Variants in MGAT5B observed in about 807,000 individuals in gnomAD.
MGAT5B encodes the protein alpha-1,6-mannosylglycoprotein 6-beta-N-acetylglucosaminyltransferase B, also known as N-acetylglucosaminyl-transferase Vb.
MGAT5B carries 54 observed loss-of-function variants against 95.1 expected under a neutral mutation model. The ratio of observed to expected loss-of-function variants is 0.57; its 90% confidence interval spans 0.46 to 0.71. The LOEUF (loss-of-function observed/expected upper bound fraction) is 0.71, where lower values mean the gene tolerates loss of function less well. Among genes scored for constraint, MGAT5B ranks in the 30% least tolerant of loss-of-function variants. MGAT5B has a pLI of 0.00. For missense variants in MGAT5B, 935 were observed against 1,088.6 expected (o/e 0.86, Z 1.99); for synonymous variants, 464 against 451.0 (o/e 1.03, Z -0.36).
chr17:76,911,108 G>A (rs894564687), intron 8 of MGAT5B, among the ~76,000 whole-genome samples: 1 of 152,218 alleles, frequency 6.6e-6, no homozygotes, highest in African/African-American at 2.4e-5. Context: ...ACTTACCAGT[G>A]TTTGGGCCCC....
In MGAT5B at chr17:76,948,971, G is replaced by A. The variant is rs545419773; in HGVS notation, c.*133G>A. On this transcript the variant is annotated 3_prime_UTR_variant, in exon 18 of 18. Transcript: ENST00000569840. ...CAGGCCGGAGCTTCCTTCCTTAGCCGGGAAGCTGGCAGAGGAGAGCCGTGC... is the reference window on the plus strand; with the variant it reads ...CAGGCCGGAGCTTCCTTCCTTAGCCAGGAAGCTGGCAGAGGAGAGCCGTGC... The A allele has an allele frequency of 5.1e-5, 55 of 1,079,164 alleles. No homozygotes were observed. Among genetic ancestry groups the A allele is most frequent in the Middle Eastern group, 6.2e-4 (2 of 3,222 alleles). 66.8% of individuals were successfully genotyped at this position (1,079,164 alleles called of 1,614,324 possible).
chr17:76,897,041 G>A (rs1484876582), intron 3 of MGAT5B, among the ~76,000 whole-genome samples: 7 of 152,050 alleles, frequency 4.6e-5, no homozygotes, highest in Admixed American at 2.6e-4. Flanking sequence ...GCCTCAATCT[G>A]AGTAGCTGGG....
chr17:76,920,555 G>A (rs982719281), intron 8 of MGAT5B, among the ~76,000 whole-genome samples: 23 of 152,180 alleles, frequency 1.5e-4, no homozygotes, highest in African/African-American at 5.3e-4. Flanking sequence ...AGGGGGTGAG[G>A]CTCAGATTTC....
In MGAT5B at chr17:76,940,332, C is replaced by T. The variant is rs1465476064; in HGVS notation, c.1585-70C>T. On this transcript the variant is annotated intron_variant, in intron 13 of 17. Transcript: ENST00000569840. This position sits in a 1 kb window ranked among gnomAD's most constrained non-coding sequence, Gnocchi z 4.3. The stretch of plus-strand genomic sequence containing the variant: ...ATATCCCGAAGCCTCACCTTGTCCC[C>T]GGCATCCTGGTGCTTACTGGGCTGT... 2.0e-5 allele frequency: 29 copies of T among 1,485,146 alleles called. No homozygotes were observed. Among genetic ancestry groups the T allele is most frequent in the Middle Eastern group, 1.8e-4 (1 of 5,586 alleles). The allele number at this position is 1,485,146 out of a possible 1,614,324, so 92.0% of individuals were successfully genotyped here. A position where few individuals can be genotyped will look rare whatever the true frequency, so the allele number is the denominator to read the frequency against.
intron 5 of MGAT5B, 39 bp downstream of exon 5, chr17:76,903,415 A>G (rs1485295105): frequency 1.3e-6 from 2 of 1,557,890 alleles, no homozygotes; most frequent in Middle Eastern, 1.7e-4. Flanking sequence ...GTCTACAGCT[A>G]GGGCCTCTCT....
chr17:76,869,204 A>C lies in MGAT5B; in HGVS notation c.68+107A>C. On this transcript the variant is annotated intron_variant, in intron 1 of 17. Coordinates refer to ENST00000569840, the MANE Select transcript of MGAT5B (RefSeq NM_001199172.2). This position sits in a 1 kb window ranked among gnomAD's most constrained non-coding sequence, Gnocchi z 7.0. ...GTCCTGGTGGCAGAGGGGGCGGTTC[A>C]CACTTCAACCCCTGGTGATGACCAG... The C allele has an allele frequency of 1.0e-6, 1 of 981,698 alleles. No homozygotes were observed. The highest frequency in any genetic ancestry group is 1.8e-5 in the Admixed American group (1 of 55,970). The allele number at this position is 981,698 out of a possible 1,614,324, so 60.8% of individuals were successfully genotyped here. A position where few individuals can be genotyped will look rare whatever the true frequency, so the allele number is the denominator to read the frequency against.
At chr17:76,944,613 A>G (rs192072696) in intron 15 of MGAT5B, among the ~76,000 whole-genome samples, 15 of 152,190 alleles carry the variant, frequency 9.9e-5, no homozygotes, top group Admixed American at 5.9e-4. Flanking sequence ...TGGGCTGGGG[A>G]TGGGACCTGC....
intron 8 of MGAT5B, among the ~76,000 whole-genome samples, chr17:76,909,814 C>T (rs1191624280): frequency 6.6e-6 from 1 of 152,162 alleles, no homozygotes; most frequent in African/African-American, 2.4e-5. Flanking sequence ...AGGTTTTCAT[C>T]CCCGTGGCCT....
chr17:76,919,994 C>T (rs1362697254), intron 8 of MGAT5B, among the ~76,000 whole-genome samples: 2 of 152,186 alleles, frequency 1.3e-5, no homozygotes, highest in Admixed American at 6.5e-5. Context: ...AGGTGACCTG[C>T]GGAAATGCTC....
At position 76,869,915 on chromosome 17, in the gene MGAT5B, A is replaced by G. The variant is rs1390606915; in HGVS notation, c.68+818A>G. On this transcript the variant is annotated intron_variant, in intron 1 of 17. Coordinates refer to ENST00000569840, the MANE Select transcript of MGAT5B (RefSeq NM_001199172.2). The surrounding 1 kb of genome is among the most constrained non-coding windows in gnomAD (Gnocchi z 7.0). The stretch of plus-strand genomic sequence containing the variant: ...TGCCGGGGCAGCCCCCTCTCCTCCC[A>G]GGCATCCGCGGAACCGGCCCGCAGC... Among the ~76,000 whole-genome samples the G allele has an allele frequency of 6.6e-6, 1 of 151,946 alleles. No homozygotes were observed. The highest frequency in any genetic ancestry group is 1.5e-5 in the Non-Finnish European group (1 of 67,928).
intron 8 of MGAT5B, among the ~76,000 whole-genome samples, chr17:76,923,544 A>G (rs1969189886): frequency 6.6e-6 from 1 of 152,054 alleles, no homozygotes; most frequent in Non-Finnish European, 1.5e-5. Flanking sequence ...AGGAAGATGA[A>G]GACAGGGCAC....
Position 76,905,096 on chromosome 17 carries a change from T to G in MGAT5B, c.691-73T>G. The G allele has an allele frequency of 6.8e-7, 1 of 1,475,540 alleles. No individual in the cohort carries two copies. Among genetic ancestry groups the G allele is most frequent in the East Asian group, 2.3e-5 (1 of 42,930 alleles). 91.4% of individuals were successfully genotyped at this position (1,475,540 alleles called of 1,614,324 possible). A position where few individuals can be genotyped will look rare whatever the true frequency, so the allele number is the denominator to read the frequency against. On this transcript the variant is annotated intron_variant, in intron 6 of 17. Transcript: ENST00000569840. The surrounding 1 kb of genome is among the most constrained non-coding windows in gnomAD (Gnocchi z 4.2). Reference sequence around the variant, plus strand: ...AGCCTCATGGGAGGGTGCCAGCCCCTGTCCCCAGGCCAGCGGGGAATGATG... The same window carrying G: ...AGCCTCATGGGAGGGTGCCAGCCCCGGTCCCCAGGCCAGCGGGGAATGATG...
chr17:76,947,867 C>T lies in MGAT5B; in HGVS notation c.1961C>T (p.Ala654Val). ...GCTCCAGACCCTGCCCTACCAGAGG[C>T]CCACGCCCCGCAGAGCCCCTTTGTC... is the stretch of plus-strand genomic sequence containing the variant. Reference protein sequence around the residue: ...CRAPDPALPEAHAPQSPFVLA... With the variant: ...CRAPDPALPEVHAPQSPFVLA... The change falls in exon 17 of 18, where the codon GCC (alanine) becomes GTC (valine). Residue 654 changes from alanine (A) to valine (V), a missense_variant. This residue lies in a region of MGAT5B where 440 missense variants were observed against 523.6 expected (regional missense o/e 0.84). Transcript: ENST00000569840. 1 of 1,596,192 alleles carries T rather than the reference C, an allele frequency of 6.3e-7. No homozygotes were observed. The highest frequency in any genetic ancestry group is 8.6e-7 in the Non-Finnish European group (1 of 1,167,902).
chr17:76,877,691 A>G (rs1434380916), intron 2 of MGAT5B, among the ~76,000 whole-genome samples: 2 of 152,160 alleles, frequency 1.3e-5, no homozygotes, highest in African/African-American at 4.8e-5. Flanking sequence ...GCGAGTACAG[A>G]GAGATAAATG....
intron 16 of MGAT5B, 37 bp from the exon 17 acceptor site, chr17:76,947,793 G>T (rs761433732): frequency 6.6e-7 from 1 of 1,505,186 alleles, no homozygotes; most frequent in East Asian, 2.4e-5. Flanking sequence ...CACCTGGGTC[G>T]CACTTCCCCA....
intron 3 of MGAT5B, among the ~76,000 whole-genome samples, chr17:76,899,036 T>C (rs1247305379): frequency 6.6e-6 from 1 of 151,948 alleles, no homozygotes; most frequent in Non-Finnish European, 1.5e-5. Flanking sequence ...GGTCAGGGGG[T>C]TCAGAAAGTG....
In MGAT5B at chr17:76,938,174, A is replaced by G; in HGVS notation, c.1584+31A>G. On this transcript the variant is annotated intron_variant, in intron 13 of 17. Coordinates refer to ENST00000569840, the MANE Select transcript of MGAT5B (RefSeq NM_001199172.2). The surrounding 1 kb of genome is among the most constrained non-coding windows in gnomAD (Gnocchi z 4.3). ...CTCCCATCCCCCGCACCATTCTCAC[A>G]CTTGCCGGCTGCAGACACTGAGGTC... 6.2e-7 allele frequency: 1 copy of G among 1,608,872 alleles called. No homozygotes were observed. Among genetic ancestry groups the G allele is most frequent in the East Asian group, 2.2e-5 (1 of 44,752 alleles).
At chr17:76,924,513 C>T (rs559720978) in intron 8 of MGAT5B, 30 of 156,850 alleles carry the variant, frequency 1.9e-4, no homozygotes, top group African/African-American at 5.3e-4. Context: ...CAGCCCTGGG[C>T]GCCAGGAGCT....
Position 76,904,353 on chromosome 17 carries a change from C to T in MGAT5B, c.621C>T (p.Phe207=), listed in dbSNP as rs1165154834. 7 of 1,587,068 alleles carry T rather than the reference C, an allele frequency of 4.4e-6. No homozygotes were observed. Among genetic ancestry groups the T allele is most frequent in the Non-Finnish European group, 6.0e-6 (7 of 1,166,854 alleles). ...FLIYLSEVEW[F]CPPLPWRNQT... Reference sequence around the variant, plus strand: ...TCTACCTCAGTGAGGTCGAGTGGTTCTGCCCCCCGCTGCCCTGGAGGAACC... The same window carrying T: ...TCTACCTCAGTGAGGTCGAGTGGTTTTGCCCCCCGCTGCCCTGGAGGAACC... The change falls in exon 6 of 18, where the codon TTC becomes TTT. Residue 207 remains phenylalanine (F), a synonymous_variant. Transcript: ENST00000569840.
Sources: gnomAD v4.1 joint callset for allele counts (sites outside exome capture counted in the v4.1 genomes callset) on GRCh38, gnomAD v4.1.1 for gene constraint, gnomAD v4.1.1 regional missense constraint, Gnocchi (gnomAD v3.1) non-coding constraint, MANE v1.5 for transcripts, NCBI Gene and HGNC (gene_info 2026-07-23, HGNC 2026-07-21) for gene names.